Variants in MYLK observed in about 807,000 individuals in gnomAD.
MYLK encodes the protein myosin light chain kinase, smooth muscle.
MYLK carries 106 observed loss-of-function variants against 203.4 expected under a neutral mutation model. That is an observed-to-expected ratio of 0.52 (90% CI 0.45 to 0.61). MYLK has a LOEUF of 0.61. Among genes scored for constraint, MYLK ranks in the 20% least tolerant of loss-of-function variants. The pLI, the probability that MYLK is intolerant of heterozygous loss-of-function variation, is 0.00. For missense variants in MYLK, 2,072 were observed against 2,442.3 expected, an observed-to-expected ratio of 0.85 and a Z score of 3.20; for synonymous variants, 867 against 959.5, an observed-to-expected ratio of 0.90 and a Z score of 1.78.
intron 13 of MYLK, among the ~76,000 whole-genome samples, chr3:123,720,266 G>T (rs1165165289): frequency 6.6e-6 from 1 of 152,170 alleles, no homozygotes; most frequent in Non-Finnish European, 1.5e-5. Context: ...GAGTCAGGAG[G>T]ATGGCCCTAA....
At chr3:123,620,031 A>C (rs1239549834) in intron 32 of MYLK, among the ~76,000 whole-genome samples, 176 bp downstream of exon 32, 1 of 152,156 alleles carries the variant, frequency 6.6e-6, no homozygotes, top group East Asian at 1.9e-4. Flanking sequence ...TAAACGATTA[A>C]GAATAATTAT....
At chr3:123,751,638 T>C (rs908465282) in intron 5 of MYLK, among the ~76,000 whole-genome samples, 1 of 152,172 alleles carries the variant, frequency 6.6e-6, no homozygotes, top group Non-Finnish European at 1.5e-5. Context: ...GCTTTCTAGA[T>C]GTTGGAGATA....
At chr3:123,719,046 A>G (rs538142976) in intron 13 of MYLK, among the ~76,000 whole-genome samples, 2 of 152,282 alleles carry the variant, frequency 1.3e-5, no homozygotes, top group African/African-American at 4.8e-5. Flanking sequence ...TTGGAGAAGA[A>G]GAGAGTCACT....
At chr3:123,822,911 G>A (rs902541145) in intron 3 of MYLK, among the ~76,000 whole-genome samples, 3 of 152,136 alleles carry the variant, frequency 2.0e-5, no homozygotes, top group African/African-American at 7.2e-5. Context: ...GCAGTTAAGG[G>A]ACAGCTTTAA....
rs79792076 is a variant in MYLK at position 123,810,354 on chromosome 3, C to T, written c.-3-16510G>A. 9.9e-3 allele frequency among the ~76,000 whole-genome samples: 1,508 copies of T among 152,234 alleles called. 31 individuals are homozygous for T. Among genetic ancestry groups the T allele is most frequent in the African/African-American group, 0.034 (1,414 of 41,548 alleles). ...CAATCAAGGTGGCCACTCTCTGGAA[C>T]GAAGAGTTCAATCTGCATCTCCCTG... On this transcript the variant is annotated intron_variant, in intron 3 of 33. Transcript: ENST00000360304.
rs2033720652 is a variant in MYLK, at chr3:123,884,279, C to G, written c.-259G>C. Reference sequence around the variant, plus strand: ...GCGCCCCGGCCGCAGGCGCACAGCGCGGGCTCCGAGCTCGCTCAGCGCCCT... The same window carrying G: ...GCGCCCCGGCCGCAGGCGCACAGCGGGGGCTCCGAGCTCGCTCAGCGCCCT... On this transcript the variant is annotated 5_prime_UTR_variant, in exon 1 of 34. Transcript: ENST00000360304. The G allele has an allele frequency of 6.8e-6, 1 of 147,658 alleles. No individual in the cohort carries two copies. Among genetic ancestry groups the G allele is most frequent in the South Asian group, 2.1e-4 (1 of 4,754 alleles). The allele number at this position is 147,658 out of a possible 1,614,324, so 9.1% of individuals were successfully genotyped here. A position where few individuals can be genotyped will look rare whatever the true frequency, so the allele number is the denominator to read the frequency against.
At chr3:123,655,321 C>T (rs2059358510) in intron 24 of MYLK, among the ~76,000 whole-genome samples, 1 of 152,176 alleles carries the variant, frequency 6.6e-6, no homozygotes, top group African/African-American at 2.4e-5. Flanking sequence ...TCTTGGTTCT[C>T]TCCCCTCTCA....
chr3:123,757,029 G>A (rs2063378554), intron 4 of MYLK, among the ~76,000 whole-genome samples: 1 of 152,206 alleles, frequency 6.6e-6, no homozygotes, highest in Non-Finnish European at 1.5e-5. Context: ...GCTTGCTGAA[G>A]GTTGAGGAGA....
chr3:123,669,216 G>A (rs1024107811), intron 20 of MYLK, among the ~76,000 whole-genome samples: 4 of 152,200 alleles, frequency 2.6e-5, no homozygotes, highest in Admixed American at 2.6e-4. Flanking sequence ...CCCAGGATGA[G>A]GGCTTCCACC....
chr3:123,649,443 C>A (rs2059134777), intron 24 of MYLK, among the ~76,000 whole-genome samples: 1 of 152,226 alleles, frequency 6.6e-6, no homozygotes. Flanking sequence ...CCCTCTGTCC[C>A]ATCCTCTCTA....
intron 5 of MYLK, among the ~76,000 whole-genome samples, 160 bp from the exon 6 acceptor site, chr3:123,740,161 T>G (rs764537766): frequency 6.6e-6 from 1 of 152,266 alleles, no homozygotes; most frequent in East Asian, 1.9e-4. Flanking sequence ...GGTGTTTACA[T>G]ACATTATCAT....
intron 8 of MYLK, 198 bp downstream of exon 8, chr3:123,737,180 C>T (rs2062700913): frequency 3.3e-6 from 2 of 606,606 alleles, no homozygotes; most frequent in Admixed American, 3.0e-5. Context: ...GGTCATGTCA[C>T]TGCACTCCAG....
intron 2 of MYLK, among the ~76,000 whole-genome samples, chr3:123,849,382 C>T (rs557474556): frequency 1.2e-4 from 18 of 152,194 alleles, no homozygotes; most frequent in Non-Finnish European, 2.1e-4. Context: ...TTGTGCTGGT[C>T]CAGATCAGAA....
At chr3:123,662,382 C>T (rs1392771438) in intron 23 of MYLK, among the ~76,000 whole-genome samples, 4 of 151,908 alleles carry the variant, frequency 2.6e-5, no homozygotes, top group Admixed American at 6.6e-5. Flanking sequence ...GGTGATGATA[C>T]GAGATGAAGA....
intron 23 of MYLK, among the ~76,000 whole-genome samples, chr3:123,662,680 T>A (rs984792674): frequency 1.3e-5 from 2 of 152,242 alleles, no homozygotes; most frequent in Admixed American, 1.3e-4. Flanking sequence ...ACAAGCCCTG[T>A]TACCAACAGA....
chr3:123,640,499 G>A lies in MYLK; in HGVS notation c.4625C>T (p.Ser1542Leu), dbSNP rs775096552. Reference protein sequence around the residue: ...ANIVMVLEIVSGGELFERIID... With the variant: ...ANIVMVLEIVLGGELFERIID... ...GATGCGCTCAAACAGCTCCCCTCCT[G>A]ACACGCTGCGGGAACACGTGCACGG... Residue 1542 changes from serine to leucine, a missense_variant, in exon 28 of 34, where the codon TCA becomes TTA. Ser to Leu is a moderately radical substitution (Grantham distance 145, BLOSUM62 -2). Transcript: ENST00000360304. The surrounding 1 kb of genome is among the most constrained non-coding windows in gnomAD (Gnocchi z 4.3). 17 of 1,613,852 alleles carry A rather than the reference G, an allele frequency of 1.1e-5. No individual in the cohort carries two copies. The highest frequency in any genetic ancestry group is 1.4e-5 in the Non-Finnish European group (17 of 1,180,034).
intron 13 of MYLK, chr3:123,715,722 A>T (rs1325139217): frequency 6.6e-6 from 1 of 152,146 alleles, no homozygotes; most frequent in Non-Finnish European, 1.5e-5. Context: ...GCTGACCAGG[A>T]TCTGCCATCT....
At chr3:123,637,586 T>G (rs1377536967) in intron 29 of MYLK, among the ~76,000 whole-genome samples, 1 of 152,234 alleles carries the variant, frequency 6.6e-6, no homozygotes, top group Non-Finnish European at 1.5e-5. Context: ...ATAGTGTTTA[T>G]TAATTCATCC....
intron 3 of MYLK, among the ~76,000 whole-genome samples, chr3:123,797,651 G>A (rs536832377): frequency 2.9e-4 from 44 of 152,312 alleles, no homozygotes; most frequent in African/African-American, 9.6e-4. Flanking sequence ...TTGTGACCCT[G>A]CCACAAACCC....
Sources: allele counts gnomAD v4.1 joint callset (sites outside exome capture counted in the v4.1 genomes callset), GRCh38; gene constraint gnomAD v4.1.1; non-coding constraint Gnocchi (gnomAD v3.1); transcripts MANE v1.5; gene names NCBI Gene and HGNC (gene_info 2026-07-23, HGNC 2026-07-21).